MARK1: variants seen among roughly 807,000 people sequenced by gnomAD.
The protein encoded by MARK1 is microtubule affinity regulating kinase 1, also known as serine/threonine-protein kinase MARK1.
A neutral mutation model predicts 96.3 loss-of-function variants in MARK1; 40 were observed. The ratio of observed to expected loss-of-function variants is 0.42; its 90% CI spans 0.32 to 0.54. The LOEUF (loss-of-function observed/expected upper bound fraction) is 0.54. Ranked by LOEUF, MARK1 falls within the 20% of genes least tolerant of loss-of-function variation. The pLI, the probability that MARK1 is intolerant of heterozygous loss-of-function variation, is 0.16. For synonymous variants in MARK1, 317 were observed against 341.2 expected (o/e 0.93, Z 0.78); for missense variants, 719 against 984.6 (o/e 0.73, Z 3.61).
chr1:220,593,501 T>A (rs1449390545), intron 3 of MARK1, among the ~76,000 whole-genome samples: 1 of 152,180 alleles, frequency 6.6e-6, no homozygotes, highest in Non-Finnish European at 1.5e-5. Context: ...TCTGCTCATA[T>A]TACTTGTGAA....
intron 9 of MARK1, 106 bp from the exon 10 acceptor site, chr1:220,630,929 T>C (rs1667647483): frequency 1.3e-6 from 1 of 751,500 alleles, no homozygotes; most frequent in Admixed American, 2.6e-5. Context: ...AAATGTCACA[T>C]GAAACTTCTT....
chr1:220,534,927 G>A (rs1348479770), intron 1 of MARK1, among the ~76,000 whole-genome samples: 7 of 151,986 alleles, frequency 4.6e-5, no homozygotes, highest in Admixed American at 3.9e-4. Flanking sequence ...TTTATCTGCG[G>A]GTGGACATTT....
At chr1:220,547,995 C>G (rs910955875) in intron 1 of MARK1, among the ~76,000 whole-genome samples, 1 of 152,238 alleles carries the variant, frequency 6.6e-6, no homozygotes, top group Admixed American at 6.5e-5. Context: ...GCTTACCTTG[C>G]TGGATTAAAA....
chr1:220,551,444 C>G (rs903883161), intron 1 of MARK1, among the ~76,000 whole-genome samples: 1 of 152,142 alleles, frequency 6.6e-6, no homozygotes, highest in African/African-American at 2.4e-5. Flanking sequence ...CATTAAAACC[C>G]ACTCCTTGTC....
chr1:220,634,258 T>C (rs10779412), intron 11 of MARK1, among the ~76,000 whole-genome samples: 87,419 of 152,014 alleles, frequency 0.58, 26,595 homozygotes, highest in Non-Finnish European at 0.68. Flanking sequence ...AAGCACTAAT[T>C]TTATAAGTAT....
intron 3 of MARK1, among the ~76,000 whole-genome samples, chr1:220,583,389 C>T (rs1233497797): frequency 1.3e-5 from 2 of 152,154 alleles, no homozygotes; most frequent in Non-Finnish European, 2.9e-5. Flanking sequence ...CTGCTTAATA[C>T]TGCCAAAATA....
chr1:220,554,016 C>T (rs1439641728), intron 1 of MARK1, among the ~76,000 whole-genome samples: 1 of 152,200 alleles, frequency 6.6e-6, no homozygotes, highest in East Asian at 1.9e-4. Context: ...ATTACTTTCA[C>T]TACTGACATA....
At chr1:220,580,752 T>A (rs1443633648) in intron 2 of MARK1, among the ~76,000 whole-genome samples, 1 of 152,224 alleles carries the variant, frequency 6.6e-6, no homozygotes, top group Non-Finnish European at 1.5e-5. Context: ...CACTTCCCCC[T>A]ATAATTGTTG....
intron 9 of MARK1, among the ~76,000 whole-genome samples, chr1:220,619,244 G>T (rs1418813458): frequency 6.6e-6 from 1 of 152,182 alleles, no homozygotes; most frequent in Non-Finnish European, 1.5e-5. Context: ...GGAGGCCGAG[G>T]CGGGCAGATC....
chr1:220,536,517 A>C (rs1660694450), intron 1 of MARK1, among the ~76,000 whole-genome samples: 1 of 151,418 alleles, frequency 6.6e-6, no homozygotes, highest in Admixed American at 6.6e-5. Context: ...CAATGGCTAC[A>C]TTAGAGTGGG....
chr1:220,589,795 A>G (rs568822837), intron 3 of MARK1, among the ~76,000 whole-genome samples: 1 of 152,372 alleles, frequency 6.6e-6, no homozygotes, highest in African/African-American at 2.4e-5. Context: ...AAAATGAGAA[A>G]GAAAAAGAAC....
At chr1:220,586,026 G>GCGC (rs1558278501) in intron 3 of MARK1, among the ~76,000 whole-genome samples, 6 of 75,294 alleles carry the variant, frequency 8.0e-5, no homozygotes, top group South Asian at 5.7e-4. Context: ...CGCGTGCGCA[G>GCGC]AGAGAGAGAG....
chr1:220,650,364 C>T (rs1311953147), intron 13 of MARK1, among the ~76,000 whole-genome samples: 2 of 152,192 alleles, frequency 1.3e-5, no homozygotes, highest in Admixed American at 1.3e-4. Flanking sequence ...AATAGAAACC[C>T]AGCTCTCCTA....
chr1:220,589,491 A>G (rs1419184961), intron 3 of MARK1, among the ~76,000 whole-genome samples: 1 of 152,214 alleles, frequency 6.6e-6, no homozygotes, highest in Non-Finnish European at 1.5e-5. Flanking sequence ...TTGAAAAGTA[A>G]ATATCTCCAA....
At chr1:220,556,487 A>C (rs12057652) in intron 1 of MARK1, among the ~76,000 whole-genome samples, 1 of 132,252 alleles carries the variant, frequency 7.6e-6, no homozygotes, top group African/African-American at 2.9e-5. Flanking sequence ...GACTGTCACA[A>C]AAAAAAAAAA....
At chr1:220,553,712 C>T (rs966423188) in intron 1 of MARK1, among the ~76,000 whole-genome samples, 13 of 152,062 alleles carry the variant, frequency 8.5e-5, no homozygotes, top group Non-Finnish European at 1.6e-4. Context: ...TACTAGAGTT[C>T]GGTAGTAAGC....
At chr1:220,632,066 G>A (rs1303313899) in intron 10 of MARK1, 135 bp from the exon 11 acceptor site, 1 of 504,974 alleles carries the variant, frequency 2.0e-6, no homozygotes, top group East Asian at 3.1e-5. Flanking sequence ...TAATAGTCCA[G>A]AAGTTTTTAA....
intron 1 of MARK1, among the ~76,000 whole-genome samples, chr1:220,563,262 T>G (rs556922605): frequency 6.6e-6 from 1 of 152,122 alleles, no homozygotes; most frequent in Non-Finnish European, 1.5e-5. Flanking sequence ...ATGAGGAAAT[T>G]TATAAATAAT....
At chr1:220,546,849 G>C (rs1661525877) in intron 1 of MARK1, among the ~76,000 whole-genome samples, 2 of 152,102 alleles carry the variant, frequency 1.3e-5, no homozygotes, top group South Asian at 4.1e-4. Flanking sequence ...GCGTGCGCCT[G>C]TAGTCCCAGC....
Sources: gnomAD v4.1 joint callset for allele counts (sites outside exome capture counted in the v4.1 genomes callset) on GRCh38, gnomAD v4.1.1 for gene constraint, MANE v1.5 for transcripts, NCBI Gene and HGNC (gene_info 2026-07-23, HGNC 2026-07-21) for gene names.